MCUR1: variants seen among roughly 807,000 people sequenced by gnomAD.
The protein encoded by MCUR1 is mitochondrial calcium uniporter regulator 1, also known as MCU regulator 1.
In MCUR1, 37 loss-of-function variants were observed where a neutral mutation model predicts 42.0. That is an observed-to-expected ratio of 0.88 (90% CI 0.68 to 1.16). The LOEUF (loss-of-function observed/expected upper bound fraction) is 1.16, where lower values mean the gene tolerates loss of function less well. Among genes scored for constraint, MCUR1 ranks in the 50% most tolerant of loss-of-function variants. The probability of loss-of-function intolerance (pLI) is 0.00; values close to 1 mark genes in which losing one functional copy is unlikely to be tolerated. For synonymous variants in MCUR1, 229 were observed against 196.2 expected (o/e 1.17, Z -1.40); for missense variants, 469 against 468.4 (o/e 1.00, Z -0.01).
Position 13,812,175 on chromosome 6 carries a change from T to C in MCUR1, c.415+1840A>G, listed in dbSNP as rs555032985. ...GAATATTAAAAACCCACAATTACAATAGAGGCCCAAAGGTAGCCTTGGACA... is the reference window on the plus strand; with the variant it reads ...GAATATTAAAAACCCACAATTACAACAGAGGCCCAAAGGTAGCCTTGGACA... On this transcript the variant is annotated intron_variant, in intron 1 of 8. Transcript: ENST00000379170. Among the ~76,000 whole-genome samples, 7 of 152,130 alleles carry C rather than the reference T, an allele frequency of 4.6e-5. No individual in the cohort carries two copies. In the East Asian group the frequency reaches 9.6e-4, roughly 21 times the overall value.
intron 1 of MCUR1, among the ~76,000 whole-genome samples, chr6:13,809,881 G>A (rs958063841): frequency 6.6e-6 from 1 of 151,912 alleles, no homozygotes; most frequent in Non-Finnish European, 1.5e-5. Context: ...TCCAGCCTGG[G>A]TGACAAAGCA....
chr6:13,800,619 C>G (rs1462140117), intron 4 of MCUR1, among the ~76,000 whole-genome samples: 3 of 152,170 alleles, frequency 2.0e-5, no homozygotes, highest in Non-Finnish European at 2.9e-5. Flanking sequence ...TTCAGTGACC[C>G]TGCTTTATTT....
At chr6:13,804,207 C>A in intron 2 of MCUR1, 1 of 201,256 alleles carries the variant, frequency 5.0e-6, no homozygotes, top group South Asian at 5.7e-5. Flanking sequence ...CCTGTAATCC[C>A]AGCTACTCAG....
chr6:13,804,672 C>T (rs71562481), intron 2 of MCUR1, among the ~76,000 whole-genome samples: 1 of 151,192 alleles, frequency 6.6e-6, no homozygotes, highest in Non-Finnish European at 1.5e-5. Flanking sequence ...TACTTGTAGT[C>T]TTAGGTACTC....
intron 2 of MCUR1, 48 bp from the exon 3 acceptor site, chr6:13,802,394 C>T (rs1268110661): frequency 1.4e-6 from 2 of 1,457,366 alleles, no homozygotes; most frequent in East Asian, 2.3e-5. Flanking sequence ...GTTACAAAAG[C>T]CCACAGCAAA....
chr6:13,793,099 C>A (rs1479378466), intron 7 of MCUR1, among the ~76,000 whole-genome samples: 6 of 135,334 alleles, frequency 4.4e-5, no homozygotes, highest in Non-Finnish European at 6.1e-5. Context: ...GCACTCCAGC[C>A]TGGGTGACAG....
intron 1 of MCUR1, 132 bp from the exon 2 acceptor site, chr6:13,807,176 C>T: frequency 1.1e-6 from 1 of 948,988 alleles, no homozygotes; most frequent in Non-Finnish European, 1.5e-6. Context: ...ATATACAATT[C>T]ACCCAATTTC....
At chr6:13,798,221 G>A (rs986479667) in intron 6 of MCUR1, among the ~76,000 whole-genome samples, 2 of 150,752 alleles carry the variant, frequency 1.3e-5, no homozygotes, top group East Asian at 2.0e-4. Context: ...TCAGCCTCCC[G>A]AGTAGCTGGG....
intron 2 of MCUR1, among the ~76,000 whole-genome samples, chr6:13,804,546 G>A (rs955513364): frequency 7.9e-5 from 12 of 151,416 alleles, no homozygotes; most frequent in South Asian, 4.2e-4. Context: ...AGGCCGAGGC[G>A]GGCGGATCAC....
intron 6 of MCUR1, 83 bp downstream of exon 6, chr6:13,798,750 C>T: frequency 2.1e-6 from 2 of 952,702 alleles, no homozygotes; most frequent in Non-Finnish European, 3.3e-6. Context: ...GTACCTATGA[C>T]ATGTACATAA....
At chr6:13,807,848 T>A (rs1417600099) in intron 1 of MCUR1, among the ~76,000 whole-genome samples, 2 of 152,232 alleles carry the variant, frequency 1.3e-5, no homozygotes, top group Admixed American at 1.3e-4. Flanking sequence ...GGTATCTCAC[T>A]GTGGTTTTAA....
Position 13,789,704 on chromosome 6 carries a change from G to A in MCUR1, c.*1105C>T, listed in dbSNP as rs528614694. On this transcript the variant is annotated 3_prime_UTR_variant, in exon 9 of 9. Coordinates refer to ENST00000379170, the MANE Select transcript of MCUR1 (RefSeq NM_001031713.4). ...AGTAAATGAAGACCGGAAGGAAGCAGACTTTGTCCTGCAAACTGAAGCAAA... is the reference window on the plus strand; with the variant it reads ...AGTAAATGAAGACCGGAAGGAAGCAAACTTTGTCCTGCAAACTGAAGCAAA... The A allele has an allele frequency of 3.3e-5, 5 of 152,320 alleles. 1 individual carries two copies. The South Asian group carries it at 8.3e-4, about 25-fold the overall frequency. The allele number at this position is 152,320 out of a possible 1,614,324, so 9.4% of individuals were successfully genotyped here.
intron 1 of MCUR1, among the ~76,000 whole-genome samples, 158 bp from the exon 2 acceptor site, chr6:13,807,202 T>C (rs956600433): frequency 3.5e-4 from 54 of 152,340 alleles, no homozygotes; most frequent in African/African-American, 1.2e-3. Context: ...TACAGTTCAA[T>C]AGGTTTTGGC....
chr6:13,792,413 G>T (rs1759750999), intron 7 of MCUR1, among the ~76,000 whole-genome samples: 1 of 152,216 alleles, frequency 6.6e-6, no homozygotes, highest in African/African-American at 2.4e-5. Flanking sequence ...AAGATAGACA[G>T]TAAACTCAAA....
intron 2 of MCUR1, among the ~76,000 whole-genome samples, chr6:13,803,049 C>G (rs1760025577): frequency 6.6e-6 from 1 of 151,972 alleles, no homozygotes; most frequent in Non-Finnish European, 1.5e-5. Flanking sequence ...GATAGAGATT[C>G]AATGCAGTAC....
At chr6:13,813,139 A>G (rs750302716) in intron 1 of MCUR1, among the ~76,000 whole-genome samples, 87 of 152,228 alleles carry the variant, frequency 5.7e-4, no homozygotes, top group Non-Finnish European at 1.1e-3. Flanking sequence ...TCTACCTGAT[A>G]GTCTAGGTGT....
At chr6:13,804,788 T>G (rs1167560924) in intron 2 of MCUR1, among the ~76,000 whole-genome samples, 1 of 72,744 alleles carries the variant, frequency 1.4e-5, no homozygotes, top group Non-Finnish European at 2.2e-5. Context: ...AGACTCTGTC[T>G]CCAAAAAAAA....
At chr6:13,801,253 A>C in intron 4 of MCUR1, 35 bp downstream of exon 4, 4 of 1,351,038 alleles carry the variant, frequency 3.0e-6, no homozygotes, top group Non-Finnish European at 4.2e-6. Flanking sequence ...GTCTTAATAT[A>C]ATCAACTTTC....
intron 1 of MCUR1, among the ~76,000 whole-genome samples, chr6:13,809,931 G>A (rs528770444): frequency 1.5e-4 from 23 of 151,916 alleles, no homozygotes; most frequent in Admixed American, 1.2e-3. Flanking sequence ...AAGGCCGGGC[G>A]TGGTGGCTCA....
Sources: gnomAD v4.1 joint callset for allele counts (sites outside exome capture counted in the v4.1 genomes callset) on GRCh38, gnomAD v4.1.1 for gene constraint, MANE v1.5 for transcripts, NCBI Gene and HGNC (gene_info 2026-07-23, HGNC 2026-07-21) for gene names.